RANBP17: variants seen among roughly 807,000 people sequenced by gnomAD.
RANBP17 encodes RAN binding protein 17.
RANBP17 carries 158 observed loss-of-function variants against 141.2 expected under a neutral mutation model. The observed-to-expected ratio is 1.12, with a 90% CI of 0.98 to 1.28. The LOEUF is 1.28. Among genes scored for constraint, RANBP17 ranks in the 50% most tolerant of loss-of-function variants. The pLI is 0.00. For missense variants in RANBP17, 1,438 were observed against 1,290.7 expected (o/e 1.11, Z -1.75); for synonymous variants, 430 against 450.0 (o/e 0.96, Z 0.56).
At chr5:171,188,789 C>T (rs1381307310) in intron 18 of RANBP17, among the ~76,000 whole-genome samples, 2 of 152,198 alleles carry the variant, frequency 1.3e-5, no homozygotes, top group East Asian at 3.8e-4. Context: ...TCGGAGCCTG[C>T]ACACAGCCCC....
intron 14 of RANBP17, among the ~76,000 whole-genome samples, chr5:170,969,779 T>C (rs758384439): frequency 2.6e-4 from 40 of 152,056 alleles, no homozygotes; most frequent in African/African-American, 8.2e-4. Context: ...AATTACAGAT[T>C]AGTTTTTCGT....
chr5:171,176,677 T>TA (rs1760505236), intron 16 of RANBP17, among the ~76,000 whole-genome samples: 1 of 152,214 alleles, frequency 6.6e-6, no homozygotes, highest in Non-Finnish European at 1.5e-5. Context: ...ATCTACACAT[T>TA]AAAAATAATG....
At chr5:171,188,904 CT>C (rs1488889309) in intron 18 of RANBP17, among the ~76,000 whole-genome samples, 2 of 152,082 alleles carry the variant, frequency 1.3e-5, no homozygotes, top group Admixed American at 6.5e-5. Flanking sequence ...CAAATTTGCT[CT>C]TATTTAGTAT....
intron 14 of RANBP17, among the ~76,000 whole-genome samples, chr5:171,014,831 T>C (rs768983440): frequency 6.6e-6 from 1 of 152,062 alleles, no homozygotes; most frequent in Non-Finnish European, 1.5e-5. Flanking sequence ...TAAAATTTCA[T>C]GTATTAGAGA....
intron 20 of RANBP17, among the ~76,000 whole-genome samples, chr5:171,212,266 A>G (rs1356971342): frequency 1.3e-5 from 2 of 152,196 alleles, no homozygotes; most frequent in African/African-American, 4.8e-5. Context: ...AAATAACACA[A>G]GCAACCAACC....
intron 13 of RANBP17, among the ~76,000 whole-genome samples, chr5:170,963,000 T>C (rs998911513): frequency 1.2e-4 from 19 of 152,182 alleles, no homozygotes; most frequent in Non-Finnish European, 2.9e-5. Flanking sequence ...TACTTAGAAA[T>C]ATGAATTTTT....
At chr5:170,932,557 C>T (rs1773479876) in intron 12 of RANBP17, among the ~76,000 whole-genome samples, 1 of 86,254 alleles carries the variant, frequency 1.2e-5, no homozygotes, top group Non-Finnish European at 2.8e-5. Flanking sequence ...TCATAAATAG[C>T]TCTTATTTTT....
chr5:171,274,144 G>A (rs900060869), intron 25 of RANBP17, among the ~76,000 whole-genome samples: 2 of 129,390 alleles, frequency 1.5e-5, no homozygotes, highest in Non-Finnish European at 3.3e-5. Context: ...GTGTGTGTGT[G>A]TGTGTGCGCG....
intron 14 of RANBP17, among the ~76,000 whole-genome samples, chr5:171,136,396 T>C (rs1423569840): frequency 1.3e-5 from 2 of 152,132 alleles, no homozygotes; most frequent in African/African-American, 4.8e-5. Context: ...TTTACTCGGA[T>C]TTTCTCACCT....
chr5:170,862,661 C>G (rs1408212435), intron 1 of RANBP17, among the ~76,000 whole-genome samples: 1 of 145,698 alleles, frequency 6.9e-6, no homozygotes, highest in Non-Finnish European at 1.5e-5. Context: ...AAACCCGGGC[C>G]GGGCGCGGGC....
intron 25 of RANBP17, among the ~76,000 whole-genome samples, chr5:171,273,700 A>G (rs1447636209): frequency 6.6e-6 from 1 of 152,210 alleles, no homozygotes; most frequent in Non-Finnish European, 1.5e-5. Flanking sequence ...TCTGTAGTAT[A>G]CAATCTTAAG....
intron 14 of RANBP17, among the ~76,000 whole-genome samples, chr5:171,063,967 A>G (rs909074190): frequency 6.6e-6 from 1 of 152,236 alleles, no homozygotes; most frequent in African/African-American, 2.4e-5. Context: ...CCTCCAAGCC[A>G]GGTGCGGGAT....
At chr5:171,277,565 G>GA (rs532053667) in intron 25 of RANBP17, among the ~76,000 whole-genome samples, 39 of 124,442 alleles carry the variant, frequency 3.1e-4, no homozygotes, top group East Asian at 7.4e-4. Context: ...TGATTATGAT[G>GA]AAAAAAAAAA....
intron 14 of RANBP17, among the ~76,000 whole-genome samples, chr5:171,097,299 A>G (rs1786763568): frequency 6.6e-6 from 1 of 152,138 alleles, no homozygotes; most frequent in African/African-American, 2.4e-5. Flanking sequence ...GAGAAGTTGG[A>G]AAGCAAATAG....
At chr5:170,983,307 G>T in intron 14 of RANBP17, 1 of 254,088 alleles carries the variant, frequency 3.9e-6, no homozygotes. Context: ...TGCTGTCTTG[G>T]ACCAGGTTGA....
Position 171,209,939 on chromosome 5 carries a change from T to C in RANBP17, c.2232-3692T>C, listed in dbSNP as rs565862010. Among the ~76,000 whole-genome samples, 5 of 152,222 alleles carry C rather than the reference T, an allele frequency of 3.3e-5. No individual in the cohort carries two copies. In the East Asian group the frequency reaches 9.7e-4, roughly 30 times the overall value. ...CCTTCTGGTATTAACAACTGATGAA[T>C]AGATGGACGGACGGACAGACGGACG... On this transcript the variant is annotated intron_variant, in intron 20 of 27. Transcript: ENST00000523189.
At chr5:170,873,541 A>G (rs1278950925) in intron 1 of RANBP17, among the ~76,000 whole-genome samples, 1 of 152,140 alleles carries the variant, frequency 6.6e-6, no homozygotes, top group Non-Finnish European at 1.5e-5. Flanking sequence ...GGTCTAATCA[A>G]GGATTCTACT....
At chr5:171,089,969 A>G (rs1786104909) in intron 14 of RANBP17, among the ~76,000 whole-genome samples, 1 of 152,230 alleles carries the variant, frequency 6.6e-6, no homozygotes, top group South Asian at 2.1e-4. Context: ...CTGTTCGGCC[A>G]TCTTCGTGGT....
Position 171,243,045 on chromosome 5 carries a change from A to G in RANBP17, c.2776+225A>G, listed in dbSNP as rs534249162. 126 of 523,932 alleles carry G rather than the reference A, an allele frequency of 2.4e-4. 1 individual carries two copies. In the Admixed American group the frequency reaches 4.3e-3, roughly 18 times the overall value. The allele number at this position is 523,932 out of a possible 1,614,324, so 32.5% of individuals were successfully genotyped here. On this transcript the variant is annotated intron_variant, in intron 24 of 27. Coordinates refer to ENST00000523189, the MANE Select transcript of RANBP17 (RefSeq NM_022897.5). Reference sequence around the variant, plus strand: ...TTTACTGAGGTATAATTTACATACAATAAAATTCAGTGACTTTAAGTGGAT... The same window carrying G: ...TTTACTGAGGTATAATTTACATACAGTAAAATTCAGTGACTTTAAGTGGAT...
Sources: gnomAD v4.1 joint callset for allele counts (sites outside exome capture counted in the v4.1 genomes callset) on GRCh38, gnomAD v4.1.1 for gene constraint, MANE v1.5 for transcripts, NCBI Gene and HGNC (gene_info 2026-07-23, HGNC 2026-07-21) for gene names.